Variants in IFT81 observed in about 807,000 individuals in gnomAD.
The protein encoded by IFT81 is intraflagellar transport protein 81 homolog.
IFT81 carries 72 observed loss-of-function variants against 102.6 expected under a neutral mutation model. That is an observed-to-expected ratio of 0.70 (90% CI 0.58 to 0.85). The LOEUF (loss-of-function observed/expected upper bound fraction) is 0.85, where lower values mean the gene tolerates loss of function less well. IFT81 is among the 40% of genes least tolerant of loss of function. IFT81 has a pLI of 0.00. For synonymous variants in IFT81, 237 were observed against 242.7 expected (o/e 0.98, Z 0.22); for missense variants, 723 against 787.3 (o/e 0.92, Z 0.98).
chr12:110,173,308 G>T (rs1256962482), intron 11 of IFT81, among the ~76,000 whole-genome samples: 20 of 149,316 alleles, frequency 1.3e-4, no homozygotes, highest in African/African-American at 4.7e-4. Context: ...GAGCCTCTCT[G>T]CCCGGCCAGC....
chr12:110,211,760 G>A (rs1405900664), intron 18 of IFT81, among the ~76,000 whole-genome samples: 1 of 151,956 alleles, frequency 6.6e-6, no homozygotes, highest in Non-Finnish European at 1.5e-5. Flanking sequence ...ATCCACCTTG[G>A]CCTCCCAAAG....
intron 18 of IFT81, among the ~76,000 whole-genome samples, chr12:110,210,171 T>C (rs1869221701): frequency 6.6e-6 from 1 of 152,190 alleles, no homozygotes; most frequent in Non-Finnish European, 1.5e-5. Flanking sequence ...TACTTACTAA[T>C]AATTCAGAGG....
chr12:110,183,018 G>C (rs1897373071), intron 12 of IFT81, among the ~76,000 whole-genome samples: 1 of 152,126 alleles, frequency 6.6e-6, no homozygotes, highest in Non-Finnish European at 1.5e-5. Context: ...TTCCAACTGG[G>C]GCCTTACGTT....
intron 14 of IFT81, among the ~76,000 whole-genome samples, chr12:110,193,313 C>T (rs1186714003): frequency 6.6e-6 from 1 of 152,164 alleles, no homozygotes; most frequent in Non-Finnish European, 1.5e-5. Context: ...TTCTTTAAAT[C>T]ATATGGACCT....
intron 11 of IFT81, among the ~76,000 whole-genome samples, chr12:110,176,992 T>C (rs547272564): frequency 1.3e-5 from 2 of 152,350 alleles, no homozygotes; most frequent in South Asian, 4.1e-4. Context: ...TTTAATAGCA[T>C]ATATAGTTAC....
intron 10 of IFT81, among the ~76,000 whole-genome samples, chr12:110,149,669 A>C (rs933440566): frequency 9.3e-5 from 14 of 149,848 alleles, no homozygotes; most frequent in African/African-American, 1.7e-4. Flanking sequence ...GAGTGGCCTG[A>C]CTCTTCTTTG....
In IFT81 at chr12:110,193,323, T is replaced by C. The variant is rs181024325; in HGVS notation, c.1557+617T>C. On this transcript the variant is annotated intron_variant, in intron 14 of 18. Transcript: ENST00000242591. ...ATTTTTTCTTTAAATCATATGGACC[T>C]TAAAGCTATAAATATGAAGTCACAT... 4.7e-4 allele frequency among the ~76,000 whole-genome samples: 72 copies of C among 152,328 alleles called. 3 individuals are homozygous for C. Among genetic ancestry groups the C allele is most frequent in the Admixed American group, 4.2e-3 (65 of 15,296 alleles).
intron 11 of IFT81, among the ~76,000 whole-genome samples, chr12:110,180,207 G>A (rs1897265633): frequency 6.6e-6 from 1 of 150,758 alleles, no homozygotes; most frequent in African/African-American, 2.4e-5. Flanking sequence ...AGGAAGATGG[G>A]GGTTGGGAAG....
At chr12:110,161,209 C>T (rs1896115213) in intron 10 of IFT81, among the ~76,000 whole-genome samples, 1 of 145,794 alleles carries the variant, frequency 6.9e-6, no homozygotes, top group Non-Finnish European at 1.5e-5. Context: ...GGTACAATCT[C>T]GGCTCACTGC....
intron 18 of IFT81, chr12:110,216,397 G>C (rs1445055121): frequency 2.4e-6 from 1 of 412,512 alleles, no homozygotes; most frequent in Admixed American, 3.1e-5. Context: ...AGAGTATCAT[G>C]TTACCCAGGC....
At chr12:110,178,748 T>G (rs1183383683) in intron 11 of IFT81, among the ~76,000 whole-genome samples, 1 of 138,272 alleles carries the variant, frequency 7.2e-6, no homozygotes, top group Non-Finnish European at 1.5e-5. Context: ...CCTGAGTAGC[T>G]GGGACTACAG....
intron 12 of IFT81, among the ~76,000 whole-genome samples, chr12:110,188,198 G>T (rs1028005588): frequency 6.6e-6 from 1 of 152,062 alleles, no homozygotes; most frequent in Admixed American, 6.5e-5. Context: ...TGGGCATGGT[G>T]GTGGGTGCCG....
intron 10 of IFT81, among the ~76,000 whole-genome samples, chr12:110,156,485 T>A (rs1895845331): frequency 6.6e-6 from 1 of 152,114 alleles, no homozygotes; most frequent in Non-Finnish European, 1.5e-5. Flanking sequence ...TGGGAATGTC[T>A]TAATTTATTC....
At chr12:110,214,758 A>G (rs191294953) in intron 18 of IFT81, among the ~76,000 whole-genome samples, 315 of 152,318 alleles carry the variant, frequency 2.1e-3, no homozygotes, top group African/African-American at 7.2e-3. Context: ...GGTTCTTTAA[A>G]TAACTTTTAT....
At chr12:110,195,001 T>C (rs1566161249) in intron 14 of IFT81, among the ~76,000 whole-genome samples, 1 of 152,204 alleles carries the variant, frequency 6.6e-6, no homozygotes, top group Non-Finnish European at 1.5e-5. Context: ...TTAAAAAAAG[T>C]ATTTTGTTTC....
rs1409256304 is a variant in IFT81 at position 110,203,728 on chromosome 12, G to T, written c.1558-136G>T. 1.2e-5 allele frequency: 8 copies of T among 668,524 alleles called. No homozygotes were observed. In the Admixed American group the frequency reaches 1.9e-4, roughly 16 times the overall value. 41.4% of individuals were successfully genotyped at this position (668,524 alleles called of 1,614,324 possible). ...TATCATAATTCTCAAATGTCTGGTT[G>T]TTGCATAAATAACTCTTAAGTATGC... On this transcript the variant is annotated intron_variant, in intron 14 of 18. Transcript: ENST00000242591.
chr12:110,216,957 T>C (rs1426861277), intron 18 of IFT81: 1 of 204,226 alleles, frequency 4.9e-6, no homozygotes, highest in African/African-American at 2.4e-5. Context: ...TGTGGACATT[T>C]CTCAGGCTTA....
At chr12:110,127,334 T>C (rs779732598) in intron 1 of IFT81, 26 bp from the exon 2 acceptor site, 1 of 1,413,354 alleles carries the variant, frequency 7.1e-7, no homozygotes, top group South Asian at 1.6e-5. Flanking sequence ...GTATTAAGGA[T>C]TTTTTTTTCT....
At chr12:110,194,637 T>G (rs1197920831) in intron 14 of IFT81, among the ~76,000 whole-genome samples, 1 of 152,204 alleles carries the variant, frequency 6.6e-6, no homozygotes, top group African/African-American at 2.4e-5. Context: ...TATTATTTAT[T>G]GATTACTTTT....
Sources: gnomAD v4.1 joint callset for allele counts (sites outside exome capture counted in the v4.1 genomes callset) on GRCh38, gnomAD v4.1.1 for gene constraint, MANE v1.5 for transcripts, NCBI Gene and HGNC (gene_info 2026-07-23, HGNC 2026-07-21) for gene names.